Variants in HIVEP1 observed in about 807,000 individuals in gnomAD.
HIVEP1 encodes zinc finger protein 40.
HIVEP1 carries 36 observed loss-of-function variants against 180.0 expected under a neutral mutation model. The observed-to-expected ratio is 0.20, with a 90% CI of 0.15 to 0.26. The LOEUF (loss-of-function observed/expected upper bound fraction) is 0.26, where lower values mean the gene tolerates loss of function less well. HIVEP1 is among the 10% of genes least tolerant of loss of function. The pLI, the probability that HIVEP1 is intolerant of heterozygous loss-of-function variation, is 1.00. For missense variants in HIVEP1, 3,143 were observed against 3,268.7 expected, an observed-to-expected ratio of 0.96 and a Z score of 0.94; for synonymous variants, 1,239 against 1,239.0, an observed-to-expected ratio of 1.00 and a Z score of 0.00.
intron 2 of HIVEP1, among the ~76,000 whole-genome samples, chr6:12,069,300 A>C (rs961462450): frequency 2.6e-5 from 4 of 152,122 alleles, no homozygotes; most frequent in African/African-American, 9.7e-5. Context: ...AAAGATAAAA[A>C]ATTCATACAA....
chr6:12,091,487 C>T (rs1773469643), intron 3 of HIVEP1, among the ~76,000 whole-genome samples: 1 of 152,002 alleles, frequency 6.6e-6, no homozygotes, highest in Admixed American at 6.6e-5. Context: ...AATTTATTTT[C>T]AGAAGTATCT....
In HIVEP1 at chr6:12,123,481, A is replaced by G; in HGVS notation, c.3686A>G (p.Gln1229Arg). The change falls in exon 4 of 9, where the codon CAG becomes CGG. Residue 1229 changes from glutamine to arginine, a missense_variant. Gln to Arg is a conservative substitution (Grantham distance 43). Around this residue, in one of 12 missense-constraint regions of HIVEP1, gnomAD observed 1,357 missense variants for 1,260.5 expected, o/e 1.08. Transcript: ENST00000379388. Reference sequence around the variant, plus strand: ...GGACAGCCCTCAAGACTTGTCCGGCAGCACAACATCCAAGTTCCAGAGATT... The same window carrying G: ...GGACAGCCCTCAAGACTTGTCCGGCGGCACAACATCCAAGTTCCAGAGATT... ...VLGQPSRLVR[Q>R]HNIQVPEILV... 6.2e-7 allele frequency: 1 copy of G among 1,614,206 alleles called. No homozygotes were observed. The highest frequency in any genetic ancestry group is 1.1e-5 in the South Asian group (1 of 91,080).
intron 3 of HIVEP1, among the ~76,000 whole-genome samples, chr6:12,110,849 C>A (rs762146407): frequency 2.0e-5 from 3 of 152,228 alleles, no homozygotes; most frequent in Non-Finnish European, 4.4e-5. Flanking sequence ...TTCAACACGC[C>A]TTCTTCAGTA....
At chr6:12,211,925 A>T in the HIVEP1 span, among the ~76,000 whole-genome samples, 2 of 152,174 alleles carry the variant, frequency 1.3e-5, no homozygotes, top group Non-Finnish European at 2.9e-5. Context: ...AATTTTTTTT[A>T]AACTACAGGG....
intron 3 of HIVEP1, among the ~76,000 whole-genome samples, chr6:12,093,340 A>G (rs1773596656): frequency 6.6e-6 from 1 of 151,706 alleles, no homozygotes; most frequent in South Asian, 2.1e-4. Flanking sequence ...AGTGCCTTCT[A>G]TTCACTAAAG....
rs201436503 is a variant in HIVEP1 at position 12,125,460 on chromosome 6, A to G, written c.5665A>G (p.Thr1889Ala). ...ENTHISPLKC[T>A]DNNQERKSPG... ...TACTCATATTTCTCCTTTGAAATGT[A>G]CAGACAATAACCAAGAAAGGAAGTC... The change falls in exon 4 of 9, where the codon ACA becomes GCA. Residue 1889 changes from threonine (T) to alanine (A), a missense_variant. Coordinates refer to ENST00000379388, the MANE Select transcript of HIVEP1 (RefSeq NM_002114.4). 5.9e-4 allele frequency: 951 copies of G among 1,614,038 alleles called. 1 individual carries two copies. Among genetic ancestry groups the G allele is most frequent in the Non-Finnish European group, 7.4e-4 (879 of 1,180,034 alleles).
intron 2 of HIVEP1, among the ~76,000 whole-genome samples, chr6:12,032,405 G>A (rs538790100): frequency 6.6e-6 from 1 of 152,192 alleles, no homozygotes; most frequent in Admixed American, 6.5e-5. Flanking sequence ...GCCTCCCAAA[G>A]TGCTGGGATT....
At chr6:12,049,373 G>A (rs568822970) in intron 2 of HIVEP1, among the ~76,000 whole-genome samples, 4 of 152,290 alleles carry the variant, frequency 2.6e-5, no homozygotes, top group African/African-American at 9.6e-5. Context: ...AGCACCTGGA[G>A]AAAGGGGATC....
chr6:12,132,715 TTTG>T (rs545821686), intron 6 of HIVEP1, among the ~76,000 whole-genome samples: 113 of 152,292 alleles, frequency 7.4e-4, no homozygotes, highest in African/African-American at 2.6e-3. Context: ...TTGCATTAAA[TTTG>T]TTGTTTTGTA....
chr6:12,211,329 G>A, the HIVEP1 span, among the ~76,000 whole-genome samples: 19 of 106,876 alleles, frequency 1.8e-4, no homozygotes, highest in African/African-American at 3.8e-4. Flanking sequence ...GAACCCGGGA[G>A]GCGGAGCTTG....
At chr6:12,034,236 A>G (rs1046438494) in intron 2 of HIVEP1, among the ~76,000 whole-genome samples, 7 of 152,216 alleles carry the variant, frequency 4.6e-5, no homozygotes, top group African/African-American at 1.4e-4. Context: ...ACTTTTGTTA[A>G]ACACTGATAT....
chr6:12,031,958 A>C (rs924556655), intron 2 of HIVEP1, among the ~76,000 whole-genome samples: 3 of 152,136 alleles, frequency 2.0e-5, no homozygotes, highest in Non-Finnish European at 2.9e-5. Flanking sequence ...CAAGTTGCAC[A>C]GTGTGTTTTG....
At chr6:12,173,655 T>C in the HIVEP1 span, among the ~76,000 whole-genome samples, 1 of 152,094 alleles carries the variant, frequency 6.6e-6, no homozygotes, top group African/African-American at 2.4e-5. Context: ...TCTATATATC[T>C]GTGGGCTTGA....
downstream of HIVEP1, among the ~76,000 whole-genome samples, chr6:12,167,584 T>C (rs889451967): frequency 7.5e-6 from 1 of 133,482 alleles, no homozygotes; most frequent in African/African-American, 3.2e-5. Context: ...ATATATACGT[T>C]ATATTACATG....
At chr6:12,128,016 A>G (rs1054104113) in intron 4 of HIVEP1, among the ~76,000 whole-genome samples, 1 of 152,202 alleles carries the variant, frequency 6.6e-6, no homozygotes, top group Non-Finnish European at 1.5e-5. Context: ...TTTCTAGGCA[A>G]AACATGGCAT....
chr6:12,157,337 A>T (rs969532634), intron 7 of HIVEP1, among the ~76,000 whole-genome samples: 5 of 152,188 alleles, frequency 3.3e-5, no homozygotes, highest in African/African-American at 1.2e-4. Flanking sequence ...ATTGGATTAA[A>T]ATGTACCATA....
At chr6:12,059,733 G>T (rs1191722079) in intron 2 of HIVEP1, among the ~76,000 whole-genome samples, 1 of 152,078 alleles carries the variant, frequency 6.6e-6, no homozygotes, top group Non-Finnish European at 1.5e-5. Flanking sequence ...CAGCCTCCTG[G>T]AATACTCAGC....
intron 2 of HIVEP1, among the ~76,000 whole-genome samples, chr6:12,030,665 A>G (rs144070138): frequency 1.9e-4 from 29 of 152,160 alleles, no homozygotes; most frequent in African/African-American, 3.1e-4. Context: ...TTGAGATTCT[A>G]TTTGTTGTTA....
chr6:12,152,608 T>C (rs528829481), intron 7 of HIVEP1, among the ~76,000 whole-genome samples: 2 of 152,372 alleles, frequency 1.3e-5, no homozygotes, highest in East Asian at 1.9e-4. Flanking sequence ...TTAACAAATA[T>C]GTAATGATTC....
Sources: allele counts gnomAD v4.1 joint callset (sites outside exome capture counted in the v4.1 genomes callset), GRCh38; gene constraint gnomAD v4.1.1; regional missense constraint gnomAD v4.1.1; transcripts MANE v1.5; gene names NCBI Gene and HGNC (gene_info 2026-07-23, HGNC 2026-07-21).